BCORL1: variants seen among roughly 807,000 people sequenced by gnomAD.
BCORL1 encodes BCL6 corepressor like 1.
Under a neutral mutation model 87.6 loss-of-function variants are expected in BCORL1, and 7 were observed. That is an observed-to-expected ratio of 0.08 (90% CI 0.05 to 0.15). The LOEUF (loss-of-function observed/expected upper bound fraction) is 0.15. Among genes scored for constraint, BCORL1 ranks in the 10% least tolerant of loss-of-function variants. BCORL1 has a pLI of 1.00. For missense variants in BCORL1, 1,215 were observed against 1,499.7 expected, an observed-to-expected ratio of 0.81 and a Z score of 3.13; for synonymous variants, 591 against 634.4, an observed-to-expected ratio of 0.93 and a Z score of 1.03.
In BCORL1 at chrX:130,026,672, T is replaced by C. The variant is rs190924667; in HGVS notation, c.4078+1293T>C. On this transcript the variant is annotated intron_variant, in intron 7 of 13. Transcript: ENST00000540052. ...TCCAGTTTGCCACCCAATGCAAAGA[T>C]AGAGATCTCCACAGCATTCTTGACA... Among the ~76,000 whole-genome samples the C allele has an allele frequency of 2.3e-3, 257 of 111,270 alleles. 2 individuals are homozygous for C. The highest frequency in any genetic ancestry group is 0.014 in the Middle Eastern group (3 of 214).
rs192107496 is a variant in BCORL1 at position 130,000,284 on chromosome X, C to T, written c.-44-4904C>T. On this transcript the variant is annotated intron_variant, in intron 1 of 13. Transcript: ENST00000540052. ...AACTCCTGGACTCAAGCAATCCTCC[C>T]AGCTCAACCTCCCAAAGTTCTGGGA... Among the ~76,000 whole-genome samples, 652 of 111,630 alleles carry T rather than the reference C, an allele frequency of 5.8e-3. 4 individuals carry two copies. Among genetic ancestry groups the T allele is most frequent in the Non-Finnish European group, 9.5e-3 (507 of 53,117 alleles).
chrX:130,011,916 C>T (rs2124434021), intron 2 of BCORL1, among the ~76,000 whole-genome samples: 1 of 110,937 alleles, frequency 9.0e-6, no homozygotes, highest in East Asian at 2.9e-4. Flanking sequence ...GGGGCAGTGT[C>T]TCCTGGAGGG....
intron 11 of BCORL1, among the ~76,000 whole-genome samples, chrX:130,050,299 G>A (rs1365588545): frequency 9.2e-6 from 1 of 109,241 alleles, no homozygotes; most frequent in Admixed American, 9.9e-5. Context: ...TTAGCCAGGT[G>A]TGGTGGTATG....
intron 3 of BCORL1, 72 bp from the exon 4 acceptor site, chrX:130,012,878 T>C: frequency 4.3e-6 from 5 of 1,150,017 alleles, no homozygotes; most frequent in Non-Finnish European, 5.8e-6. Flanking sequence ...AGCAGTTGCC[T>C]CTCGGGCCTC....
chrX:129,991,016 A>G (rs1927103870), intron 1 of BCORL1, among the ~76,000 whole-genome samples: 1 of 111,340 alleles, frequency 9.0e-6, no homozygotes, highest in Non-Finnish European at 1.9e-5. Context: ...GCTTACTGCA[A>G]CCTCCGCCTC....
At chrX:130,027,931 G>A (rs1036278339) in intron 7 of BCORL1, among the ~76,000 whole-genome samples, 4 of 111,973 alleles carry the variant, frequency 3.6e-5, no homozygotes, top group Non-Finnish European at 7.5e-5. Context: ...TGGAGTTCCC[G>A]GCAGGCCTTT....
At chrX:130,046,101 G>A (rs1931726904) in intron 11 of BCORL1, among the ~76,000 whole-genome samples, 1 of 109,467 alleles carries the variant, frequency 9.1e-6, no homozygotes, top group African/African-American at 3.3e-5. Context: ...GGGCAACAGA[G>A]TGATTCCTCA....
intron 1 of BCORL1, among the ~76,000 whole-genome samples, chrX:129,989,049 T>TG (rs1166660034): frequency 9.0e-6 from 1 of 111,588 alleles, no homozygotes; most frequent in Non-Finnish European, 1.9e-5. Context: ...CAGAATTGCC[T>TG]GGGGGGGCTT....
intron 2 of BCORL1, among the ~76,000 whole-genome samples, chrX:130,007,135 C>G (rs1225858456): frequency 1.8e-5 from 2 of 111,938 alleles, no homozygotes; most frequent in African/African-American, 3.3e-5. Context: ...CTGTTCCTAA[C>G]TGGAGAAGTA....
At chrX:130,053,050 G>C (rs769714011) in intron 13 of BCORL1, among the ~76,000 whole-genome samples, 158 of 112,057 alleles carry the variant, frequency 1.4e-3, no homozygotes, top group African/African-American at 4.8e-3. Context: ...TGAGGCAGGA[G>C]AATCGCCTGA....
At chrX:130,023,324 A>C (rs1323946806) in intron 6 of BCORL1, among the ~76,000 whole-genome samples, 1 of 111,966 alleles carries the variant, frequency 8.9e-6, no homozygotes, top group African/African-American at 3.3e-5. Context: ...GGCTAATCTC[A>C]GGCACAGACA....
intron 2 of BCORL1, among the ~76,000 whole-genome samples, chrX:130,009,080 G>T (rs1928748216): frequency 8.9e-6 from 1 of 112,011 alleles, no homozygotes; most frequent in Non-Finnish European, 1.9e-5. Context: ...GGAGAATAAG[G>T]AAAGGCTTCC....
chrX:129,999,905 C>T (rs1363407644), intron 1 of BCORL1, among the ~76,000 whole-genome samples: 1 of 110,445 alleles, frequency 9.1e-6, no homozygotes, highest in Non-Finnish European at 1.9e-5. Flanking sequence ...AACTCCTGAC[C>T]TCAGGTGATC....
At chrX:130,028,903 G>A (rs200362800) in intron 8 of BCORL1, 42 bp downstream of exon 8, 19 of 838,200 alleles carry the variant, frequency 2.3e-5, no homozygotes, top group Middle Eastern at 3.4e-4. Context: ...TGTGTGTGGC[G>A]GGGGGTCAGA....
At chrX:130,004,241 G>GTTTTTTTT (rs1189082044) in intron 1 of BCORL1, among the ~76,000 whole-genome samples, 1 of 85,630 alleles carries the variant, frequency 1.2e-5, no homozygotes, top group African/African-American at 4.8e-5. Flanking sequence ...GAAATGTGTG[G>GTTTTTTTT]TTTTTTTTTT....
Position 130,025,174 on chromosome X carries a change from C to A in BCORL1, c.3873C>A (p.Gly1291=). 3.3e-6 allele frequency: 4 copies of A among 1,211,783 alleles called. No individual in the cohort carries two copies. Among genetic ancestry groups the A allele is most frequent in the Non-Finnish European group, 4.5e-6 (4 of 895,493 alleles). Reference sequence around the variant, plus strand: ...AGGACAAGTCTCTGCTGAGCCAGGGCCGAAGGCACCTGTGGCGAGCCCGAG... The same window carrying A: ...AGGACAAGTCTCTGCTGAGCCAGGGACGAAGGCACCTGTGGCGAGCCCGAG... The part of the protein sequence containing the change: ...HAQDKSLLSQ[G]RRHLWRAREM... The change falls in exon 7 of 14, where the codon GGC becomes GGA. Residue 1291 remains glycine (G), a synonymous_variant. Transcript: ENST00000540052.
intron 9 of BCORL1, among the ~76,000 whole-genome samples, chrX:130,036,184 C>T (rs2124527753): frequency 8.8e-6 from 1 of 113,039 alleles, no homozygotes; most frequent in South Asian, 3.6e-4. Flanking sequence ...CCCTGGTGTC[C>T]CACCTGTAGT....
chrX:130,037,006 C>T lies in BCORL1; in HGVS notation c.4528-361C>T, dbSNP rs6634766. 0.011 allele frequency among the ~76,000 whole-genome samples: 1,188 copies of T among 111,607 alleles called. 26 individuals carry two copies. In the East Asian group the frequency reaches 0.11, roughly 11 times the overall value. Reference sequence around the variant, plus strand: ...ATTAAAAATACGAAAATTAGCCAGGCGTGGTGGCGTGCGCCTGTAGCTCCA... The same window carrying T: ...ATTAAAAATACGAAAATTAGCCAGGTGTGGTGGCGTGCGCCTGTAGCTCCA... On this transcript the variant is annotated intron_variant, in intron 9 of 13. Transcript: ENST00000540052.
chrX:129,996,813 C>T (rs1017435926), intron 1 of BCORL1, among the ~76,000 whole-genome samples: 20 of 110,020 alleles, frequency 1.8e-4, no homozygotes, highest in African/African-American at 6.6e-4. Flanking sequence ...GAGACGAGGT[C>T]TCACTATGTT....
Sources: gnomAD v4.1 joint callset for allele counts (sites outside exome capture counted in the v4.1 genomes callset) on GRCh38, gnomAD v4.1.1 for gene constraint, MANE v1.5 for transcripts, NCBI Gene and HGNC (gene_info 2026-07-23, HGNC 2026-07-21) for gene names.